The following KIF15 variants were observed in gnomAD, a reference collection of about 807,000 sequenced individuals.
KIF15 encodes kinesin-like protein KIF15.
Under a neutral mutation model 190.6 loss-of-function variants are expected in KIF15, and 140 were observed. That is an observed-to-expected ratio of 0.73 (90% confidence interval 0.64 to 0.84). The LOEUF is 0.84. Ranked by LOEUF, KIF15 falls within the 40% of genes least tolerant of loss-of-function variation. The pLI, the probability that KIF15 is intolerant of heterozygous loss-of-function variation, is 0.00. For synonymous variants in KIF15, 528 were observed against 551.3 expected (o/e 0.96, Z 0.59); for missense variants, 1,372 against 1,584.4 (o/e 0.87, Z 2.28).
chr3:44,852,167 C>A, intron 33 of KIF15, 41 bp from the exon 34 acceptor site: 1 of 1,584,032 alleles, frequency 6.3e-7, no homozygotes, highest in East Asian at 2.3e-5. Flanking sequence ...AAAATTAAGA[C>A]CTACTTCTCA....
chr3:44,818,024 C>T (rs1186834872), intron 20 of KIF15, among the ~76,000 whole-genome samples: 2 of 152,204 alleles, frequency 1.3e-5, no homozygotes, highest in Non-Finnish European at 2.9e-5. Context: ...GGAGTTCACT[C>T]ATAATTTGGC....
chr3:44,851,941 A>G lies in KIF15; in HGVS notation c.3961A>G (p.Arg1321Gly), dbSNP rs377396988. Residue 1321 changes from arginine (R) to glycine (G), a missense_variant, in exon 33 of 35, where the codon AGA becomes GGA. Arg to Gly is a moderately radical substitution (Grantham distance 125, BLOSUM62 -2). Coordinates refer to ENST00000326047, the MANE Select transcript of KIF15 (RefSeq NM_020242.3). Reference sequence around the variant, plus strand: ...GGAAGAAATGTATGAAGAAAGAGAGAGAACATCCCAGGTGTGCTAGTGTGT... The same window carrying G: ...GGAAGAAATGTATGAAGAAAGAGAGGGAACATCCCAGGTGTGCTAGTGTGT... ...KLEEMYEERE[R>G]TSQEMEMLRK... 16 of 1,613,388 alleles carry G rather than the reference A, an allele frequency of 9.9e-6. No homozygotes were observed. The highest frequency in any genetic ancestry group is 1.3e-5 in the Non-Finnish European group (15 of 1,179,676).
intron 25 of KIF15, among the ~76,000 whole-genome samples, chr3:44,830,681 A>G (rs1023301056): frequency 1.3e-5 from 2 of 152,306 alleles, no homozygotes; most frequent in South Asian, 2.1e-4. Context: ...GCAGTAGATG[A>G]CAAACCCTGT....
chr3:44,812,991 A>T, intron 18 of KIF15, 84 bp from the exon 19 acceptor site: 1 of 851,086 alleles, frequency 1.2e-6, no homozygotes, highest in South Asian at 1.6e-5. Context: ...TCTCAAAAAA[A>T]AAAAAAGAAA....
Position 44,847,926 on chromosome 3 carries a change from C to G in KIF15, c.3696-59C>G, listed in dbSNP as rs575161831. ...AATGGATTTGAATTTGAAATTGATA[C>G]TTGAATATACTTAGCAGTGTTTTCC... On this transcript the variant is annotated intron_variant, in intron 30 of 34. Transcript: ENST00000326047. 457 of 1,192,198 alleles carry G rather than the reference C, an allele frequency of 3.8e-4. 6 individuals carry two copies. The South Asian group carries it at 5.8e-3, about 15-fold the overall frequency. 73.9% of individuals were successfully genotyped at this position (1,192,198 alleles called of 1,614,324 possible). A position where few individuals can be genotyped will look rare whatever the true frequency, so the allele number is the denominator to read the frequency against.
In KIF15 at chr3:44,851,696, T is replaced by G. The variant is rs921888837; in HGVS notation, c.3807-91T>G. 7.9e-6 allele frequency: 8 copies of G among 1,008,782 alleles called. No homozygotes were observed. In the Admixed American group the frequency reaches 2.1e-4, roughly 26 times the overall value. The allele number at this position is 1,008,782 out of a possible 1,614,324, so 62.5% of individuals were successfully genotyped here. A position where few individuals can be genotyped will look rare whatever the true frequency, so the allele number is the denominator to read the frequency against. On this transcript the variant is annotated intron_variant, in intron 32 of 34. Transcript: ENST00000326047. ...GATTAGTAATACTTTCAAATCAAAA[T>G]TCTGGCCTTGCAGTACACATGTCTA...
intron 20 of KIF15, among the ~76,000 whole-genome samples, chr3:44,821,278 G>A: frequency 6.6e-6 from 1 of 150,994 alleles, no homozygotes; most frequent in Non-Finnish European, 1.5e-5. Flanking sequence ...CCTCCCTCCT[G>A]GACGGGGCGG....
intron 1 of KIF15, among the ~76,000 whole-genome samples, chr3:44,768,293 GAAAA>G (rs551362428): frequency 1.6e-3 from 230 of 145,780 alleles, no homozygotes; most frequent in African/African-American, 5.4e-3. Flanking sequence ...GAAAAGAAAA[GAAAA>G]AAAAAACCAC....
intron 25 of KIF15, among the ~76,000 whole-genome samples, chr3:44,830,618 C>T (rs1698021499): frequency 6.6e-6 from 1 of 152,212 alleles, no homozygotes. Flanking sequence ...GTCACTCCTC[C>T]TCACTCCTCT....
chr3:44,779,610 G>A (rs1199924331), intron 4 of KIF15, among the ~76,000 whole-genome samples: 1 of 152,012 alleles, frequency 6.6e-6, no homozygotes, highest in Non-Finnish European at 1.5e-5. Flanking sequence ...CGAGGTGCGT[G>A]GATCACGAGG....
intron 23 of KIF15, 79 bp from the exon 24 acceptor site, chr3:44,828,135 C>A: frequency 1.0e-6 from 1 of 986,768 alleles, no homozygotes; most frequent in Non-Finnish European, 1.6e-6. Context: ...TGAAAAGCTG[C>A]TTTCAACTTG....
intron 6 of KIF15, chr3:44,861,964 G>C (rs1480331391): frequency 7.1e-7 from 1 of 1,399,812 alleles, no homozygotes; most frequent in East Asian, 3.0e-5. Context: ...CGCCGTGTCC[G>C]CGACCGCGTA....
chr3:44,790,695 CTTTTTTTTTT>C (rs56414094), intron 7 of KIF15, among the ~76,000 whole-genome samples: 2 of 97,972 alleles, frequency 2.0e-5, no homozygotes, highest in African/African-American at 4.1e-5. Flanking sequence ...TTTTCTGTTT[CTTTTTTTTTT>C]TTTTTTTTTT....
intron 6 of KIF15, chr3:44,864,079 G>T: frequency 8.0e-7 from 1 of 1,253,648 alleles, no homozygotes. Flanking sequence ...CCTCTGAGCT[G>T]TAGTGGGAGC....
At chr3:44,790,255 T>C in intron 7 of KIF15, among the ~76,000 whole-genome samples, 1 of 152,076 alleles carries the variant, frequency 6.6e-6, no homozygotes. Flanking sequence ...TTGGCTTACT[T>C]CAACCTCTGC....
At chr3:44,783,987 TAG>T in intron 5 of KIF15, among the ~76,000 whole-genome samples, 1 of 152,340 alleles carries the variant, frequency 6.6e-6, no homozygotes, top group East Asian at 1.9e-4. Context: ...TGTAACAAAA[TAG>T]AGACTCTGCA....
At chr3:44,792,780 T>G (rs912941446) in intron 7 of KIF15, among the ~76,000 whole-genome samples, 1 of 152,094 alleles carries the variant, frequency 6.6e-6, no homozygotes, top group Non-Finnish European at 1.5e-5. Flanking sequence ...TCTCCTGACC[T>G]CATGATCCAC....
intron 6 of KIF15, among the ~76,000 whole-genome samples, chr3:44,786,103 C>A (rs1298097436): frequency 1.3e-5 from 2 of 152,158 alleles, no homozygotes; most frequent in Non-Finnish European, 2.9e-5. Flanking sequence ...GTAGTCCCAG[C>A]TACTCGGGAG....
chr3:44,814,971 C>G lies in KIF15; in HGVS notation c.2444C>G (p.Ser815Cys). The change falls in exon 20 of 35, where the codon TCT (serine) becomes TGT (cysteine). Residue 815 changes from serine (S) to cysteine (C), a missense_variant. Physicochemically the swap from Ser to Cys is moderately radical, Grantham distance 112 (BLOSUM62 -1). Coordinates refer to ENST00000326047, the MANE Select transcript of KIF15 (RefSeq NM_020242.3). Reference sequence around the variant, plus strand: ...CTTCATTCTGCTGACAAGGAGCTTTCTTCAGTGAAATTGGAATATAGTTCA... The same window carrying G: ...CTTCATTCTGCTGACAAGGAGCTTTGTTCAGTGAAATTGGAATATAGTTCA... ...VVLHSADKEL[S>C]SVKLEYSSFK... 1 of 1,612,908 alleles carries G rather than the reference C, an allele frequency of 6.2e-7. No homozygotes were observed. Among genetic ancestry groups the G allele is most frequent in the Non-Finnish European group, 8.5e-7 (1 of 1,179,620 alleles).
Sources: gnomAD v4.1 joint callset for allele counts (sites outside exome capture counted in the v4.1 genomes callset) on GRCh38, gnomAD v4.1.1 for gene constraint, MANE v1.5 for transcripts, NCBI Gene and HGNC (gene_info 2026-07-23, HGNC 2026-07-21) for gene names.